The following EHMT1 variants were observed in gnomAD, a reference collection of about 807,000 sequenced individuals.
The protein encoded by EHMT1 is euchromatic histone lysine methyltransferase 1, also known as histone-lysine N-methyltransferase EHMT1.
A neutral mutation model predicts 147.2 loss-of-function variants in EHMT1; 15 were observed. That is an observed-to-expected ratio of 0.10 (90% CI 0.07 to 0.16). The LOEUF is 0.16. Ranked by LOEUF, EHMT1 falls within the 10% of genes least tolerant of loss-of-function variation. EHMT1 has a pLI of 1.00. For synonymous variants in EHMT1, 795 were observed against 709.6 expected, an observed-to-expected ratio of 1.12 and a Z score of -1.91; for missense variants, 1,587 against 1,772.4, an observed-to-expected ratio of 0.90 and a Z score of 1.88.
chr9:137,695,681 G>A (rs752045406), intron 1 of EHMT1, among the ~76,000 whole-genome samples: 1 of 152,204 alleles, frequency 6.6e-6, no homozygotes, highest in Non-Finnish European at 1.5e-5. Flanking sequence ...GTGGCCTCCC[G>A]GGTGGCGTGG....
intron 1 of EHMT1, among the ~76,000 whole-genome samples, chr9:137,656,929 C>G (rs1210631623): frequency 6.6e-6 from 1 of 151,818 alleles, no homozygotes; most frequent in Non-Finnish European, 1.5e-5. Context: ...TTAGTAGAGA[C>G]AGGGTTTCAC....
intron 1 of EHMT1, among the ~76,000 whole-genome samples, chr9:137,661,488 T>C (rs1939072386): frequency 2.7e-5 from 4 of 145,604 alleles, no homozygotes; most frequent in African/African-American, 1.0e-4. Context: ...TTGTACATCT[T>C]TTTTTTTTTT....
At chr9:137,753,191 T>TG (rs1252215712) in intron 7 of EHMT1, among the ~76,000 whole-genome samples, 1 of 151,712 alleles carries the variant, frequency 6.6e-6, no homozygotes, top group African/African-American at 2.4e-5. Flanking sequence ...TCACATGAAT[T>TG]GGGAAATGCT....
intron 1 of EHMT1, among the ~76,000 whole-genome samples, chr9:137,643,922 A>T (rs993685406): frequency 2.6e-5 from 4 of 152,152 alleles, no homozygotes; most frequent in African/African-American, 9.7e-5. Context: ...TGAGTACTTC[A>T]TCTGCAGCAT....
chr9:137,665,488 C>T (rs1255383977), intron 1 of EHMT1, among the ~76,000 whole-genome samples: 3 of 152,162 alleles, frequency 2.0e-5, no homozygotes, highest in African/African-American at 4.8e-5. Context: ...GTGGGAGGTG[C>T]GCATTGCGAG....
chr9:137,726,204 C>T (rs1172112404), intron 3 of EHMT1, among the ~76,000 whole-genome samples: 4 of 152,176 alleles, frequency 2.6e-5, no homozygotes, highest in Admixed American at 6.5e-5. Flanking sequence ...GTGCAGCCAT[C>T]GCCACCCTCC....
chr9:137,679,559 G>T (rs1941737842), intron 1 of EHMT1, among the ~76,000 whole-genome samples: 1 of 152,144 alleles, frequency 6.6e-6, no homozygotes, highest in African/African-American at 2.4e-5. Flanking sequence ...ACTAATTCCT[G>T]AGCACTGATG....
intron 1 of EHMT1, among the ~76,000 whole-genome samples, chr9:137,692,884 G>A (rs1046149953): frequency 2.0e-5 from 3 of 152,204 alleles, no homozygotes; most frequent in Middle Eastern, 3.4e-3. Flanking sequence ...GGGTGAACAC[G>A]TGCGGGCAGT....
intron 1 of EHMT1, among the ~76,000 whole-genome samples, chr9:137,660,810 C>G (rs539960193): frequency 9.2e-5 from 14 of 152,214 alleles, no homozygotes; most frequent in African/African-American, 3.4e-4. Flanking sequence ...TCTCTGATGC[C>G]ATCGTAAGTG....
intron 18 of EHMT1, chr9:137,802,957 G>A (rs1322914050): frequency 2.9e-5 from 36 of 1,232,456 alleles, no homozygotes; most frequent in Non-Finnish European, 3.1e-5. Context: ...CGGGTACCTT[G>A]GAGGAAGAGA....
At chr9:137,708,438 C>T (rs1231159246) in intron 1 of EHMT1, among the ~76,000 whole-genome samples, 2 of 152,218 alleles carry the variant, frequency 1.3e-5, no homozygotes, top group East Asian at 3.8e-4. Flanking sequence ...TTGGATGCAT[C>T]TTTGTCCCAT....
chr9:137,822,633 G>A (rs888610183), intron 25 of EHMT1, among the ~76,000 whole-genome samples: 3 of 152,030 alleles, frequency 2.0e-5, no homozygotes, highest in East Asian at 1.9e-4. Context: ...AGTGGCTCAC[G>A]CCTGTAATCC....
chr9:137,814,346 A>G, intron 21 of EHMT1, 85 bp from the exon 22 acceptor site: 1 of 1,432,686 alleles, frequency 7.0e-7, no homozygotes, highest in Non-Finnish European at 9.8e-7. Context: ...CAGGGTTAAC[A>G]GAACTGGAAG....
In EHMT1 at chr9:137,782,418, C is replaced by A; in HGVS notation, c.2382+21C>A. ...TTCAGGTGCGGCGGCACGGCGCCCTCCTAGGGCTCTTCACCTGCTCTCTTT... is the reference window on the plus strand; with the variant it reads ...TTCAGGTGCGGCGGCACGGCGCCCTACTAGGGCTCTTCACCTGCTCTCTTT... On this transcript the variant is annotated intron_variant, in intron 15 of 26. Coordinates refer to ENST00000460843, the MANE Select transcript of EHMT1 (RefSeq NM_024757.5). This position sits in a 1 kb window ranked among gnomAD's most constrained non-coding sequence, Gnocchi z 5.7. 1 of 1,588,944 alleles carries A rather than the reference C, an allele frequency of 6.3e-7. No individual in the cohort carries two copies. The highest frequency in any genetic ancestry group is 8.6e-7 in the Non-Finnish European group (1 of 1,169,476).
chr9:137,767,696 C>T (rs921839503), intron 10 of EHMT1, among the ~76,000 whole-genome samples: 4 of 152,026 alleles, frequency 2.6e-5, no homozygotes, highest in African/African-American at 9.7e-5. Flanking sequence ...GCTTGTAATC[C>T]GAGCTACTTG....
chr9:137,808,305 G>A lies in EHMT1; in HGVS notation c.2713-3156G>A, dbSNP rs924408185. 2.6e-5 allele frequency among the ~76,000 whole-genome samples: 4 copies of A among 152,234 alleles called. No individual in the cohort carries two copies. The South Asian group carries it at 6.2e-4, about 24-fold the overall frequency. ...AGCTCTGTTTTCTGTCTGAGCATCC[G>A]GGGGCCCTGCCTGCCTACCCCCTGC... On this transcript the variant is annotated intron_variant, in intron 18 of 26. Coordinates refer to ENST00000460843, the MANE Select transcript of EHMT1 (RefSeq NM_024757.5).
intron 1 of EHMT1, among the ~76,000 whole-genome samples, chr9:137,629,772 C>A (rs184888069): frequency 2.6e-3 from 394 of 150,828 alleles, no homozygotes; most frequent in Non-Finnish European, 4.0e-3. Flanking sequence ...TCAGGTGATC[C>A]GCCCACCTCG....
In EHMT1 at chr9:137,798,598, C is replaced by T. The variant is rs762911369; in HGVS notation, c.2506-215C>T. On this transcript the variant is annotated intron_variant, in intron 16 of 26. Transcript: ENST00000460843. ...AATCATTGACGGTGTCTTCACTGTG[C>T]CAGGCGACTGACCACTCATGGGGCC... 1.6e-4 allele frequency among the ~76,000 whole-genome samples: 25 copies of T among 152,158 alleles called. 1 individual carries two copies. Among genetic ancestry groups the T allele is most frequent in the Admixed American group, 1.6e-3 (25 of 15,276 alleles).
In EHMT1 at chr9:137,762,759, G is replaced by T. The variant is rs1467161753; in HGVS notation, c.1586G>T (p.Ser529Ile). 6.2e-7 allele frequency: 1 copy of T among 1,614,256 alleles called. No individual in the cohort carries two copies. Among genetic ancestry groups the T allele is most frequent in the East Asian group, 2.2e-5 (1 of 44,886 alleles). The change falls in exon 10 of 27, where the codon AGT (serine) becomes ATT (isoleucine). Residue 529 changes from serine to isoleucine, a missense_variant. This residue lies in a region of EHMT1 where 124 missense variants were observed against 197.8 expected (regional missense o/e 0.63). Coordinates refer to ENST00000460843, the MANE Select transcript of EHMT1 (RefSeq NM_024757.5). Reference sequence around the variant, plus strand: ...AGCTGCCGGATGGAAACACCGAAGAGTCGAGAGATCACCACACTGGCCAAC... The same window carrying T: ...AGCTGCCGGATGGAAACACCGAAGATTCGAGAGATCACCACACTGGCCAAC... ...LCSCRMETPK[S>I]REITTLANNQ...
Sources: allele counts gnomAD v4.1 joint callset (sites outside exome capture counted in the v4.1 genomes callset), GRCh38; gene constraint gnomAD v4.1.1; regional missense constraint gnomAD v4.1.1; non-coding constraint Gnocchi (gnomAD v3.1); transcripts MANE v1.5; gene names NCBI Gene and HGNC (gene_info 2026-07-23, HGNC 2026-07-21).